TPD52L1: variants seen among roughly 807,000 people sequenced by gnomAD.
TPD52L1 encodes the protein tumor protein D53.
TPD52L1 carries 18 observed loss-of-function variants against 28.7 expected under a neutral mutation model. The observed-to-expected ratio is 0.63, with a 90% CI of 0.43 to 0.93. The LOEUF is 0.93. TPD52L1 is among the 40% of genes least tolerant of loss of function. The pLI is 0.00. For synonymous variants in TPD52L1, 75 were observed against 88.8 expected (o/e 0.84, Z 0.88); for missense variants, 203 against 254.8 (o/e 0.80, Z 1.39).
intron 2 of TPD52L1, among the ~76,000 whole-genome samples, chr6:125,222,589 T>A (rs1490778938): frequency 1.3e-5 from 2 of 152,206 alleles, no homozygotes; most frequent in African/African-American, 4.8e-5. Context: ...TCGTCTCTTC[T>A]GTGAAATAAA....
chr6:125,254,007 T>G, intron 5 of TPD52L1: 1 of 673,812 alleles, frequency 1.5e-6, no homozygotes, highest in East Asian at 2.8e-5. Context: ...TATCCATATA[T>G]TGCAAGAAAT....
At chr6:125,239,246 C>A (rs1407628340) in intron 3 of TPD52L1, among the ~76,000 whole-genome samples, 2 of 151,982 alleles carry the variant, frequency 1.3e-5, no homozygotes, top group Non-Finnish European at 2.9e-5. Context: ...CATTTTTTCA[C>A]GTTTGTTGGC....
chr6:125,241,842 A>ATT (rs969277826), intron 3 of TPD52L1, among the ~76,000 whole-genome samples: 97 of 128,142 alleles, frequency 7.6e-4, no homozygotes, highest in African/African-American at 2.7e-3. Context: ...GATCTTTGTT[A>ATT]TTTTTTTTTT....
intron 1 of TPD52L1, among the ~76,000 whole-genome samples, chr6:125,173,862 A>G (rs1263589521): frequency 1.3e-5 from 2 of 152,204 alleles, no homozygotes; most frequent in Admixed American, 6.6e-5. Context: ...CTCCAATCTG[A>G]GATGACTGTG....
chr6:125,165,042 G>T (rs1371421295), intron 1 of TPD52L1, among the ~76,000 whole-genome samples: 1 of 105,718 alleles, frequency 9.5e-6, no homozygotes, highest in African/African-American at 5.3e-5. Flanking sequence ...GAGCTCCAGA[G>T]TTCAAACCCA....
chr6:125,229,363 A>G (rs910076095), intron 3 of TPD52L1, 97 bp downstream of exon 3: 8 of 1,252,928 alleles, frequency 6.4e-6, no homozygotes, highest in Non-Finnish European at 7.5e-6. Flanking sequence ...GATTTGGTGC[A>G]TGAAGCTAGG....
In TPD52L1 at chr6:125,257,088, G is replaced by T. The variant is rs758396858; in HGVS notation, c.426-10G>T. 6.2e-7 allele frequency: 1 copy of T among 1,609,142 alleles called. No homozygotes were observed. ...CTTTGGAGCTGACCTCTCTCTTTTT[G>T]TTATTTTAGGAATTCTCCTACTTTC... On this transcript the variant is annotated splice_polypyrimidine_tract_variant and intron_variant, in intron 5 of 6. Coordinates refer to ENST00000534000, the MANE Select transcript of TPD52L1 (RefSeq NM_003287.4).
chr6:125,256,963 G>A, intron 5 of TPD52L1, 135 bp from the exon 6 acceptor site: 2 of 638,120 alleles, frequency 3.1e-6, no homozygotes, highest in African/African-American at 1.8e-5. Flanking sequence ...TTAAAACGTG[G>A]TTGGTGCAGG....
At position 125,191,783 on chromosome 6, in the gene TPD52L1, T is replaced by C. The variant is rs536904517; in HGVS notation, c.20-28295T>C. On this transcript the variant is annotated intron_variant, in intron 1 of 6. Coordinates refer to ENST00000534000, the MANE Select transcript of TPD52L1 (RefSeq NM_003287.4). ...CCTCAGTGGCCTTCAGATACCTCTG[T>C]TTTTTCTCCCCCTCCCTTCTGTTCA... 2.0e-5 allele frequency among the ~76,000 whole-genome samples: 3 copies of C among 152,290 alleles called. No individual in the cohort carries two copies. The South Asian group carries it at 6.2e-4, about 32-fold the overall frequency.
At chr6:125,213,918 A>G (rs1418126404) in intron 1 of TPD52L1, among the ~76,000 whole-genome samples, 2 of 152,228 alleles carry the variant, frequency 1.3e-5, no homozygotes, top group African/African-American at 2.4e-5. Flanking sequence ...TGAATGGGCC[A>G]TCAGAAAAAT....
intron 1 of TPD52L1, among the ~76,000 whole-genome samples, chr6:125,211,273 A>ATCTATCTG (rs1554209665): frequency 4.1e-5 from 6 of 145,270 alleles, no homozygotes; most frequent in Admixed American, 3.4e-4. Context: ...CTATCTATCT[A>ATCTATCTG]TCTATCTATC....
At chr6:125,210,229 A>G (rs146733907) in intron 1 of TPD52L1, among the ~76,000 whole-genome samples, 4 of 152,352 alleles carry the variant, frequency 2.6e-5, no homozygotes, top group African/African-American at 9.6e-5. Context: ...TAAAAGAATG[A>G]ATGAATGAAT....
chr6:125,263,145 C>G lies in TPD52L1; in HGVS notation c.*183C>G. 3.0e-6 allele frequency: 2 copies of G among 670,864 alleles called. No homozygotes were observed. The highest frequency in any genetic ancestry group is 1.8e-5 in the African/African-American group (1 of 55,404). 41.6% of individuals were successfully genotyped at this position (670,864 alleles called of 1,614,324 possible). A position where few individuals can be genotyped will look rare whatever the true frequency, so the allele number is the denominator to read the frequency against. ...TTGTATTTGTGTTGATGATGGACCA[C>G]TTGACCATCACATTTCAGTATTCAT... On this transcript the variant is annotated 3_prime_UTR_variant, in exon 7 of 7. Transcript: ENST00000534000.
At chr6:125,161,447 A>T (rs770071991) in intron 1 of TPD52L1, among the ~76,000 whole-genome samples, 1 of 152,176 alleles carries the variant, frequency 6.6e-6, no homozygotes, top group East Asian at 1.9e-4. Flanking sequence ...TTGAATCAAG[A>T]GGCCTGCTTT....
intron 1 of TPD52L1, among the ~76,000 whole-genome samples, chr6:125,196,034 T>C (rs2114877802): frequency 6.6e-6 from 1 of 152,252 alleles, no homozygotes; most frequent in South Asian, 2.1e-4. Context: ...TTATTTAAAA[T>C]CAGTGGGTTT....
chr6:125,202,045 G>A (rs757223536), intron 1 of TPD52L1, among the ~76,000 whole-genome samples: 2 of 152,070 alleles, frequency 1.3e-5, no homozygotes, highest in Non-Finnish European at 2.9e-5. Flanking sequence ...GAATGTTCAG[G>A]CCCCTGAATC....
intron 1 of TPD52L1, among the ~76,000 whole-genome samples, chr6:125,206,407 G>A (rs1198294195): frequency 6.6e-6 from 1 of 152,008 alleles, no homozygotes; most frequent in African/African-American, 2.4e-5. Context: ...ATAATGAGAT[G>A]AAAAAATATT....
chr6:125,239,391 G>T (rs1163855965), intron 3 of TPD52L1, among the ~76,000 whole-genome samples: 1 of 152,134 alleles, frequency 6.6e-6, no homozygotes, highest in African/African-American at 2.4e-5. Flanking sequence ...CACATGGCTG[G>T]GAATGCCTCA....
chr6:125,180,325 C>T (rs1012212024), intron 1 of TPD52L1, among the ~76,000 whole-genome samples: 3 of 152,076 alleles, frequency 2.0e-5, no homozygotes, highest in African/African-American at 4.8e-5. Flanking sequence ...AAGTCAGGCT[C>T]GTACTATTAC....
Sources: gnomAD v4.1 joint callset for allele counts (sites outside exome capture counted in the v4.1 genomes callset) on GRCh38, gnomAD v4.1.1 for gene constraint, MANE v1.5 for transcripts, NCBI Gene and HGNC (gene_info 2026-07-23, HGNC 2026-07-21) for gene names.